The following HNF4G variants were observed in gnomAD, a reference collection of about 807,000 sequenced individuals.
HNF4G encodes hepatocyte nuclear factor 4 gamma.
Under a neutral mutation model 50.9 loss-of-function variants are expected in HNF4G, and 21 were observed. That is an observed-to-expected ratio of 0.41 (90% CI 0.29 to 0.59). The LOEUF (loss-of-function observed/expected upper bound fraction) is 0.59. Ranked by LOEUF, HNF4G falls within the 20% of genes least tolerant of loss-of-function variation. The pLI, the probability that HNF4G is intolerant of heterozygous loss-of-function variation, is 0.26. For missense variants in HNF4G, 527 were observed against 559.4 expected (o/e 0.94, Z 0.58); for synonymous variants, 198 against 185.6 (o/e 1.07, Z -0.54).
At chr8:75,559,065 A>C (rs761587667) in intron 8 of HNF4G, 28 bp downstream of exon 8, 10 of 1,285,430 alleles carry the variant, frequency 7.8e-6, no homozygotes, top group Non-Finnish European at 1.1e-5. Flanking sequence ...TTTCTACTTT[A>C]TTGATTAGAA....
At chr8:75,508,915 A>G (rs1200264525) in intron 2 of HNF4G, among the ~76,000 whole-genome samples, 1 of 152,220 alleles carries the variant, frequency 6.6e-6, no homozygotes, top group Admixed American at 6.5e-5. Context: ...TTTTGAGTGA[A>G]TGATGTCACG....
intron 9 of HNF4G, among the ~76,000 whole-genome samples, chr8:75,561,465 G>A (rs1288232163): frequency 6.6e-6 from 1 of 152,114 alleles, no homozygotes; most frequent in Non-Finnish European, 1.5e-5. Context: ...AATGTGATGT[G>A]AATTTACCAC....
chr8:75,550,460 G>A (rs1206090815), intron 3 of HNF4G, among the ~76,000 whole-genome samples: 1 of 151,894 alleles, frequency 6.6e-6, no homozygotes, highest in Non-Finnish European at 1.5e-5. Context: ...CTACAAGCGT[G>A]TGCCACCACG....
intron 2 of HNF4G, among the ~76,000 whole-genome samples, chr8:75,504,749 TAAG>T (rs1585903184): frequency 6.6e-6 from 1 of 152,214 alleles, no homozygotes; most frequent in Non-Finnish European, 1.5e-5. Flanking sequence ...ATTTGTTTAT[TAAG>T]GTCTTTCTAT....
upstream of HNF4G, among the ~76,000 whole-genome samples, chr8:75,407,665 C>T (rs1585814200): frequency 6.6e-6 from 1 of 152,188 alleles, no homozygotes; most frequent in Non-Finnish European, 1.5e-5. Flanking sequence ...CAGGCCGCTG[C>T]CCTGTCGCCA....
chr8:75,488,677 T>G (rs2130675700), intron 1 of HNF4G, among the ~76,000 whole-genome samples: 1 of 152,274 alleles, frequency 6.6e-6, no homozygotes, highest in African/African-American at 2.4e-5. Flanking sequence ...ATTCTTCATT[T>G]TACAGATGAG....
intron 2 of HNF4G, among the ~76,000 whole-genome samples, chr8:75,547,023 C>G (rs1806801385): frequency 6.6e-6 from 1 of 152,112 alleles, no homozygotes; most frequent in South Asian, 2.1e-4. Flanking sequence ...CACATCCTCA[C>G]CAACATTTGT....
At chr8:75,441,785 C>T (rs1159133910) in intron 1 of HNF4G, among the ~76,000 whole-genome samples, 4 of 152,174 alleles carry the variant, frequency 2.6e-5, no homozygotes, top group Non-Finnish European at 5.9e-5. Context: ...AAACTTGTAG[C>T]AAACAATCAG....
intron 1 of HNF4G, among the ~76,000 whole-genome samples, chr8:75,451,223 GTTGT>G (rs1811577466): frequency 6.6e-6 from 1 of 151,916 alleles, no homozygotes; most frequent in African/African-American, 2.4e-5. Context: ...TTGCTATTGA[GTTGT>G]TTGAGTTCCT....
At chr8:75,431,088 G>A (rs1811006435) in intron 1 of HNF4G, among the ~76,000 whole-genome samples, 2 of 152,094 alleles carry the variant, frequency 1.3e-5, no homozygotes, top group South Asian at 4.1e-4. Context: ...TATTGTATGT[G>A]TTATACAGCA....
At chr8:75,459,685 C>T (rs1019900207) in intron 1 of HNF4G, among the ~76,000 whole-genome samples, 5 of 152,054 alleles carry the variant, frequency 3.3e-5, no homozygotes, top group South Asian at 2.1e-4. Context: ...TAGAAGTGTT[C>T]ATTCATTTAT....
chr8:75,467,059 C>T (rs921534422), intron 1 of HNF4G, among the ~76,000 whole-genome samples: 7 of 151,898 alleles, frequency 4.6e-5, no homozygotes, highest in African/African-American at 9.7e-5. Context: ...TTTATTTTTT[C>T]GTTAAATAGT....
At position 75,442,195 on chromosome 8, in the gene HNF4G, C is replaced by T. The variant is rs181392811; in HGVS notation, c.-144+34033C>T. ...TTATTATCACAGGATAGAAATTACC[C>T]CAGAGAGTGGAGATTTAATCAAGTT... On this transcript the variant is annotated intron_variant, in intron 1 of 10. Coordinates refer to the HNF4G transcript ENST00000354370. 4.3e-4 allele frequency among the ~76,000 whole-genome samples: 65 copies of T among 152,052 alleles called. 1 individual carries two copies. Among genetic ancestry groups the T allele is most frequent in the African/African-American group, 1.4e-3 (60 of 41,452 alleles).
Position 75,428,553 on chromosome 8 carries a change from C to T in HNF4G, c.-144+20391C>T, listed in dbSNP as rs575138904. 2.2e-4 allele frequency among the ~76,000 whole-genome samples: 34 copies of T among 152,110 alleles called. No homozygotes were observed. The Middle Eastern group carries it at 0.021, about 92-fold the overall frequency. Reference sequence around the variant, plus strand: ...AGCTGATACAATCTAATCAAGAAAGCGCAGAAAGAGCTTCACTGAGAAAGT... The same window carrying T: ...AGCTGATACAATCTAATCAAGAAAGTGCAGAAAGAGCTTCACTGAGAAAGT... On this transcript the variant is annotated intron_variant, in intron 1 of 10. Transcript: ENST00000354370.
intron 1 of HNF4G, among the ~76,000 whole-genome samples, chr8:75,435,949 A>C (rs1023961635): frequency 2.0e-5 from 3 of 152,198 alleles, no homozygotes; most frequent in Non-Finnish European, 4.4e-5. Context: ...TAAAAGATCT[A>C]TAGAAAAATT....
At chr8:75,444,847 A>G (rs1399993150) in intron 1 of HNF4G, among the ~76,000 whole-genome samples, 2,774 of 88,270 alleles carry the variant, frequency 0.031, 35 homozygotes, top group African/African-American at 0.056. Context: ...TTAACACCCC[A>G]CTGTCAACAT....
At chr8:75,555,730 CTT>C (rs59730048) in intron 5 of HNF4G, among the ~76,000 whole-genome samples, 7 of 140,464 alleles carry the variant, frequency 5.0e-5, no homozygotes, top group African/African-American at 7.8e-5. Flanking sequence ...AACTTGTCTG[CTT>C]TTTTTTTTTT....
intron 1 of HNF4G, among the ~76,000 whole-genome samples, chr8:75,420,786 GC>G (rs562773080): frequency 3.0e-4 from 45 of 152,308 alleles, no homozygotes; most frequent in African/African-American, 1.0e-3. Context: ...GTCACAGAAG[GC>G]CAGGCAGCAA....
At position 75,416,713 on chromosome 8, in the gene HNF4G, A is replaced by G. The variant is rs147893611; in HGVS notation, c.-144+8551A>G. Among the ~76,000 whole-genome samples the G allele has an allele frequency of 7.8e-3, 1,186 of 152,310 alleles. 19 individuals carry two copies. The highest frequency in any genetic ancestry group is 0.026 in the African/African-American group (1,092 of 41,568). ...TACAGCATGTCTATGTAGACTTCGCATGGGACCTGCCATTTTCTCACAGAT... is the reference window on the plus strand; with the variant it reads ...TACAGCATGTCTATGTAGACTTCGCGTGGGACCTGCCATTTTCTCACAGAT... On this transcript the variant is annotated intron_variant, in intron 1 of 10. Transcript: ENST00000354370.
Sources: allele counts gnomAD v4.1 joint callset (sites outside exome capture counted in the v4.1 genomes callset), GRCh38; gene constraint gnomAD v4.1.1; transcripts MANE v1.5; gene names NCBI Gene and HGNC (gene_info 2026-07-23, HGNC 2026-07-21).